The following OCA2 variants were observed in gnomAD, a reference collection of about 807,000 sequenced individuals.
The protein encoded by OCA2 is P protein.
Under a neutral mutation model 100.2 loss-of-function variants are expected in OCA2, and 77 were observed. The observed-to-expected ratio is 0.77, with a 90% CI of 0.64 to 0.93. The LOEUF (loss-of-function observed/expected upper bound fraction) is 0.93. OCA2 is among the 40% of genes least tolerant of loss of function. OCA2 has a pLI of 0.00. For missense variants in OCA2, 1,062 were observed against 1,089.1 expected (o/e 0.98, Z 0.35); for synonymous variants, 432 against 439.2 (o/e 0.98, Z 0.21).
intron 19 of OCA2, among the ~76,000 whole-genome samples, chr15:27,873,000 G>C (rs1595554897): frequency 6.6e-6 from 1 of 152,196 alleles, no homozygotes; most frequent in African/African-American, 2.4e-5. Context: ...GCTTGTCCAA[G>C]TTTAAATTAA....
intron 18 of OCA2, among the ~76,000 whole-genome samples, chr15:27,939,669 T>C (rs2039577342): frequency 6.6e-6 from 1 of 152,236 alleles, no homozygotes; most frequent in South Asian, 2.1e-4. Flanking sequence ...TCAGGTTCGT[T>C]ATCACAGAGG....
chr15:27,724,430 T>C, the OCA2 span, among the ~76,000 whole-genome samples: 1 of 152,180 alleles, frequency 6.6e-6, no homozygotes, highest in Non-Finnish European at 1.5e-5. Flanking sequence ...GACCCAGTCC[T>C]GTTGGATGCA....
At chr15:28,068,786 A>G (rs767295598) in intron 2 of OCA2, among the ~76,000 whole-genome samples, 1 of 152,274 alleles carries the variant, frequency 6.6e-6, no homozygotes, top group Non-Finnish European at 1.5e-5. Context: ...GACTGTTTCA[A>G]TGTACACAAA....
At chr15:27,722,654 C>T in the OCA2 span, among the ~76,000 whole-genome samples, 2 of 84,816 alleles carry the variant, frequency 2.4e-5, no homozygotes, top group African/African-American at 8.8e-5. Context: ...TCCTTCTTTT[C>T]TCTCTTTCTT....
At chr15:27,933,793 T>C (rs2039349556) in intron 18 of OCA2, among the ~76,000 whole-genome samples, 1 of 152,190 alleles carries the variant, frequency 6.6e-6, no homozygotes, top group Non-Finnish European at 1.5e-5. Context: ...GGTTGGTCAA[T>C]CAATTAAGAC....
At position 27,914,228 on chromosome 15, in the gene OCA2, A is replaced by C. The variant is rs192194814; in HGVS notation, c.2079+11899T>G. On this transcript the variant is annotated intron_variant, in intron 19 of 23. Coordinates refer to ENST00000354638, the MANE Select transcript of OCA2 (RefSeq NM_000275.3). ...AGCATACCTTAAAATAATAAGAGCTATCTATGACAAACCCACAGCCAACAT... is the reference window on the plus strand; with the variant it reads ...AGCATACCTTAAAATAATAAGAGCTCTCTATGACAAACCCACAGCCAACAT... Among the ~76,000 whole-genome samples, 182 of 152,288 alleles carry C rather than the reference A, an allele frequency of 1.2e-3. 1 individual carries two copies. The highest frequency in any genetic ancestry group is 4.0e-3 in the African/African-American group (168 of 41,560).
chr15:28,030,080 A>G (rs567347364), intron 3 of OCA2, among the ~76,000 whole-genome samples: 116 of 152,324 alleles, frequency 7.6e-4, no homozygotes, highest in African/African-American at 2.7e-3. Flanking sequence ...GCATTAAGGG[A>G]ATAGGTGCGT....
At chr15:28,033,510 A>G (rs1243217558) in intron 2 of OCA2, among the ~76,000 whole-genome samples, 1 of 152,230 alleles carries the variant, frequency 6.6e-6, no homozygotes. Flanking sequence ...CACCAGCACC[A>G]TGCCTCTGGG....
chr15:28,042,242 C>T (rs762965520), intron 2 of OCA2, among the ~76,000 whole-genome samples: 5 of 152,082 alleles, frequency 3.3e-5, no homozygotes, highest in Non-Finnish European at 5.9e-5. Flanking sequence ...GGATGAAAGA[C>T]TGTACTGAAA....
chr15:27,726,512 A>G, the OCA2 span, among the ~76,000 whole-genome samples: 3 of 152,140 alleles, frequency 2.0e-5, no homozygotes, highest in African/African-American at 7.2e-5. Context: ...TGGAACCACA[A>G]TGCTTCGCTC....
At chr15:27,888,434 T>C (rs1156292413) in intron 19 of OCA2, among the ~76,000 whole-genome samples, 7 of 152,064 alleles carry the variant, frequency 4.6e-5, no homozygotes, top group African/African-American at 1.7e-4. Flanking sequence ...AAATCACAAC[T>C]TGAATGGGAA....
At chr15:27,817,362 G>A (rs538556341) in intron 23 of OCA2, among the ~76,000 whole-genome samples, 141 of 152,178 alleles carry the variant, frequency 9.3e-4, no homozygotes, top group Non-Finnish European at 1.3e-3. Flanking sequence ...CCAGAATCCG[G>A]CAGACCCTGT....
At chr15:27,943,296 A>T (rs992965637) in intron 18 of OCA2, among the ~76,000 whole-genome samples, 1 of 152,196 alleles carries the variant, frequency 6.6e-6, no homozygotes, top group East Asian at 1.9e-4. Flanking sequence ...TAAAACAGGG[A>T]TCTTCAGACC....
chr15:27,839,686 GA>G (rs5811517), intron 23 of OCA2, among the ~76,000 whole-genome samples: 152,362 of 152,368 alleles, frequency 1, 76,178 homozygotes, highest in Middle Eastern at 1. Flanking sequence ...GAGATTCAAG[GA>G]AGAAATAAAG....
intron 2 of OCA2, among the ~76,000 whole-genome samples, chr15:28,068,658 A>C (rs967467775): frequency 6.6e-6 from 1 of 152,244 alleles, no homozygotes; most frequent in Admixed American, 6.5e-5. Context: ...ACTTCAGAAC[A>C]ATATCCCTCA....
At chr15:27,851,975 T>C (rs908637393) in intron 21 of OCA2, among the ~76,000 whole-genome samples, 1 of 152,304 alleles carries the variant, frequency 6.6e-6, no homozygotes, top group South Asian at 2.1e-4. Flanking sequence ...CTAAACTGCA[T>C]GCTGGGTCCC....
chr15:27,814,485 G>A (rs186619143), intron 23 of OCA2, among the ~76,000 whole-genome samples: 119 of 152,316 alleles, frequency 7.8e-4, no homozygotes, highest in African/African-American at 2.8e-3. Flanking sequence ...TGGGAAACTT[G>A]AAACTACTAA....
intron 18 of OCA2, among the ~76,000 whole-genome samples, chr15:27,939,493 T>A (rs1298220668): frequency 3.3e-5 from 5 of 152,230 alleles, no homozygotes; most frequent in Non-Finnish European, 1.5e-5. Context: ...TGTGGTTAAA[T>A]TCTGCATTTT....
At chr15:27,744,325 A>G in the OCA2 span, among the ~76,000 whole-genome samples, 1 of 152,196 alleles carries the variant, frequency 6.6e-6, no homozygotes, top group African/African-American at 2.4e-5. Flanking sequence ...CAAAAGCAGG[A>G]TGGTGGGAAC....
Sources: allele counts gnomAD v4.1 joint callset (sites outside exome capture counted in the v4.1 genomes callset), GRCh38; gene constraint gnomAD v4.1.1; transcripts MANE v1.5; gene names NCBI Gene and HGNC (gene_info 2026-07-23, HGNC 2026-07-21).